Variants in BAZ1B observed in about 807,000 individuals in gnomAD.
BAZ1B encodes bromodomain adjacent to zinc finger domain 1B.
BAZ1B carries 22 observed loss-of-function variants against 153.8 expected under a neutral mutation model. That is an observed-to-expected ratio of 0.14 (90% CI 0.10 to 0.20). The LOEUF is 0.20. BAZ1B is among the 10% of genes least tolerant of loss of function. The probability of loss-of-function intolerance (pLI) is 1.00; values close to 1 mark genes in which losing one functional copy is unlikely to be tolerated. For missense variants in BAZ1B, 1,325 were observed against 1,799.3 expected (o/e 0.74, Z 4.77); for synonymous variants, 676 against 633.4 (o/e 1.07, Z -1.01).
intron 3 of BAZ1B, among the ~76,000 whole-genome samples, chr7:73,505,235 A>C (rs1278800205): frequency 6.6e-6 from 1 of 152,182 alleles, no homozygotes; most frequent in Non-Finnish European, 1.5e-5. Flanking sequence ...GCTTCTGGAA[A>C]GATTTTCTTA....
In BAZ1B at chr7:73,486,122, C is replaced by T. The variant is rs542309322; in HGVS notation, c.891+3072G>A. ...CCAGTTACCTATTATATGCAACATA[C>T]TATGCTAAACGTTACAAGATATAAA... On this transcript the variant is annotated intron_variant, in intron 6 of 19. Transcript: ENST00000339594. Among the ~76,000 whole-genome samples the T allele has an allele frequency of 2.6e-5, 4 of 152,284 alleles. No homozygotes were observed. In the South Asian group the frequency reaches 8.3e-4, roughly 32 times the overall value.
intron 4 of BAZ1B, among the ~76,000 whole-genome samples, chr7:73,498,145 A>C (rs1789990645): frequency 6.6e-6 from 1 of 152,054 alleles, no homozygotes; most frequent in Admixed American, 6.6e-5. Context: ...TTTTTAGTAG[A>C]GACAGGGTTT....
intron 3 of BAZ1B, among the ~76,000 whole-genome samples, chr7:73,500,267 G>A (rs903986171): frequency 6.6e-6 from 1 of 152,208 alleles, no homozygotes; most frequent in Admixed American, 6.5e-5. Context: ...GCCAGGCATG[G>A]TGGCTCATGG....
chr7:73,453,038 C>T (rs1255143980), intron 13 of BAZ1B, among the ~76,000 whole-genome samples: 1 of 152,176 alleles, frequency 6.6e-6, no homozygotes, highest in African/African-American at 2.4e-5. Context: ...GAGAGACAAT[C>T]CATTTTTATA....
chr7:73,509,556 T>C (rs1790491218), intron 2 of BAZ1B, among the ~76,000 whole-genome samples: 1 of 149,976 alleles, frequency 6.7e-6, no homozygotes, highest in Non-Finnish European at 1.5e-5. Flanking sequence ...CCTGCCTCTA[T>C]AAAAAACTAA....
At position 73,442,166 on chromosome 7, in the gene BAZ1B, C is replaced by T. The variant is rs1326368276; in HGVS notation, c.*15+15G>A. On this transcript the variant is annotated intron_variant, in intron 19 of 19. Coordinates refer to ENST00000339594, the MANE Select transcript of BAZ1B (RefSeq NM_032408.4). ...CCCACCCTCCCTAGCTGTCCCCCCA[C>T]CTCAGCTCCCTTACCACGGCCCTGC... The T allele has an allele frequency of 2.1e-6, 3 of 1,444,500 alleles. No homozygotes were observed. The highest frequency in any genetic ancestry group is 2.9e-6 in the Non-Finnish European group (3 of 1,051,142). 89.5% of individuals were successfully genotyped at this position (1,444,500 alleles called of 1,614,324 possible). A position where few individuals can be genotyped will look rare whatever the true frequency, so the allele number is the denominator to read the frequency against.
chr7:73,515,411 T>C (rs1790756331), intron 1 of BAZ1B, among the ~76,000 whole-genome samples: 1 of 152,074 alleles, frequency 6.6e-6, no homozygotes, highest in African/African-American at 2.4e-5. Flanking sequence ...GCAGATGTAA[T>C]ATATGTCACT....
At chr7:73,446,546 C>CAAAAA (rs1175189600) in intron 16 of BAZ1B, among the ~76,000 whole-genome samples, 17 of 41,452 alleles carry the variant, frequency 4.1e-4, no homozygotes, top group Middle Eastern at 0.01. Flanking sequence ...GAGACCATCT[C>CAAAAA]AAAAAAAAAA....
chr7:73,511,865 CA>C lies in BAZ1B; in HGVS notation c.108-1014del, dbSNP rs562678974. ...GAGATACCCCATCTCTACTAAAAATCAAAAAAAAAAAAAAAATTAGCCGGGC... is the reference window on the plus strand; with the variant it reads ...GAGATACCCCATCTCTACTAAAAATCAAAAAAAAAAAAAAATTAGCCGGGC... On this transcript the variant is annotated intron_variant, in intron 1 of 19. Coordinates refer to ENST00000339594, the MANE Select transcript of BAZ1B (RefSeq NM_032408.4). 3.7e-3 allele frequency among the ~76,000 whole-genome samples: 446 copies of C among 119,288 alleles called. 1 individual carries two copies. The highest frequency in any genetic ancestry group is 0.013 in the Middle Eastern group (3 of 238). 78.3% of individuals were successfully genotyped at this position (119,288 alleles called of 152,430 possible). A position where few individuals can be genotyped will look rare whatever the true frequency, so the allele number is the denominator to read the frequency against.
intron 13 of BAZ1B, among the ~76,000 whole-genome samples, chr7:73,452,528 C>G (rs1343289478): frequency 6.6e-6 from 1 of 151,972 alleles, no homozygotes; most frequent in Non-Finnish European, 1.5e-5. Flanking sequence ...TCGAGACCAG[C>G]CTGGCCAATA....
At chr7:73,448,371 AAAC>A (rs1316348274) in intron 15 of BAZ1B, among the ~76,000 whole-genome samples, 14 of 152,214 alleles carry the variant, frequency 9.2e-5, no homozygotes, top group African/African-American at 3.4e-4. Flanking sequence ...TCAGTGTGGA[AAAC>A]AACAGTATTA....
intron 9 of BAZ1B, among the ~76,000 whole-genome samples, chr7:73,468,896 G>A (rs1308282560): frequency 1.1e-4 from 16 of 152,120 alleles, no homozygotes; most frequent in Admixed American, 9.8e-4. Context: ...TTGGGAGGCC[G>A]AGGTGGGCAG....
chr7:73,495,201 T>G (rs1789825740), intron 4 of BAZ1B, among the ~76,000 whole-genome samples: 1 of 152,198 alleles, frequency 6.6e-6, no homozygotes, highest in South Asian at 2.1e-4. Flanking sequence ...GAGAATCACT[T>G]GAACCCATGA....
chr7:73,509,612 G>A (rs990318042), intron 2 of BAZ1B, among the ~76,000 whole-genome samples: 7 of 151,528 alleles, frequency 4.6e-5, no homozygotes, highest in East Asian at 3.9e-4. Context: ...TTCCAGCTAC[G>A]TAAGAGGCTG....
intron 6 of BAZ1B, among the ~76,000 whole-genome samples, chr7:73,480,004 C>G (rs1368655014): frequency 1.3e-5 from 2 of 151,958 alleles, no homozygotes; most frequent in African/African-American, 2.4e-5. Context: ...CCAGTCTCTA[C>G]TAAAAATCAA....
rs782015871 is a variant in BAZ1B, at chr7:73,521,863, G to A, written c.71C>T (p.Thr24Ile). ...GAAGGCCTCCTGAGTGTGCGGGATGGTGAAGAGCGGCTCCTCTCCGGGCAA... is the reference window on the plus strand; with the variant it reads ...GAAGGCCTCCTGAGTGTGCGGGATGATGAAGAGCGGCTCCTCTCCGGGCAA... The part of the protein sequence containing the change: ...KPLPGEEPLF[T>I]IPHTQEAFRT... Residue 24 changes from threonine to isoleucine, a missense_variant, in exon 1 of 20, where the codon ACC becomes ATC. Coordinates refer to ENST00000339594, the MANE Select transcript of BAZ1B (RefSeq NM_032408.4). The A allele has an allele frequency of 1.2e-5, 18 of 1,509,286 alleles. No homozygotes were observed. Among genetic ancestry groups the A allele is most frequent in the South Asian group, 4.9e-5 (4 of 81,768 alleles). The allele number at this position is 1,509,286 out of a possible 1,614,324, so 93.5% of individuals were successfully genotyped here. A position where few individuals can be genotyped will look rare whatever the true frequency, so the allele number is the denominator to read the frequency against.
chr7:73,505,845 C>T (rs1554577672), intron 3 of BAZ1B, among the ~76,000 whole-genome samples: 1 of 152,156 alleles, frequency 6.6e-6, no homozygotes. Context: ...GCCACCATGC[C>T]CAGCCAAGAA....
intron 6 of BAZ1B, among the ~76,000 whole-genome samples, chr7:73,487,288 C>T (rs782020101): frequency 3.9e-5 from 6 of 152,082 alleles, no homozygotes; most frequent in Non-Finnish European, 7.4e-5. Flanking sequence ...ATCAGCTGGG[C>T]GTGGTGGTAC....
chr7:73,459,933 G>A (rs1788335042), intron 12 of BAZ1B, among the ~76,000 whole-genome samples: 2 of 152,120 alleles, frequency 1.3e-5, no homozygotes, highest in Admixed American at 6.6e-5. Context: ...AGTGGCTCAC[G>A]CCTGTAATCC....
Sources: gnomAD v4.1 joint callset for allele counts (sites outside exome capture counted in the v4.1 genomes callset) on GRCh38, gnomAD v4.1.1 for gene constraint, MANE v1.5 for transcripts, NCBI Gene and HGNC (gene_info 2026-07-23, HGNC 2026-07-21) for gene names.